CCDC102B: variants seen among roughly 807,000 people sequenced by gnomAD.
CCDC102B encodes the protein coiled-coil domain-containing protein 102B.
Under a neutral mutation model 57.4 loss-of-function variants are expected in CCDC102B, and 75 were observed. The observed-to-expected ratio is 1.31, with a 90% CI of 1.08 to 1.58. The LOEUF is 1.58. Ranked by LOEUF, CCDC102B falls within the 40% of genes most tolerant of loss-of-function variation. The pLI, the probability that CCDC102B is intolerant of heterozygous loss-of-function variation, is 0.00. For synonymous variants in CCDC102B, 206 were observed against 201.9 expected (o/e 1.02, Z -0.17); for missense variants, 636 against 582.6 (o/e 1.09, Z -0.94).
intron 6 of CCDC102B, among the ~76,000 whole-genome samples, chr18:68,962,687 T>A (rs1232691147): frequency 6.6e-6 from 1 of 152,000 alleles, no homozygotes; most frequent in Non-Finnish European, 1.5e-5. Context: ...TCTAAGAGCT[T>A]ACAGTAAAGT....
At chr18:68,994,804 T>C (rs930977814) in intron 6 of CCDC102B, among the ~76,000 whole-genome samples, 10 of 152,228 alleles carry the variant, frequency 6.6e-5, no homozygotes, top group African/African-American at 2.4e-4. Context: ...CAGTTCTTTA[T>C]AGCAGTGTGA....
chr18:68,918,437 T>C (rs1399452598), intron 6 of CCDC102B, among the ~76,000 whole-genome samples: 1 of 152,222 alleles, frequency 6.6e-6, no homozygotes, highest in East Asian at 1.9e-4. Context: ...CATGTTTGAC[T>C]AATCCAAACA....
chr18:68,721,430 G>T (rs1274385181), intron 2 of CCDC102B: 2 of 152,018 alleles, frequency 1.3e-5, no homozygotes, highest in Non-Finnish European at 2.9e-5. Context: ...CTTCTGACAG[G>T]TCAGATTAGT....
rs186008616 is a variant in CCDC102B, at chr18:68,980,864, T to A, written c.1264-30070T>A. On this transcript the variant is annotated intron_variant, in intron 6 of 7. Transcript: ENST00000360242. The stretch of plus-strand genomic sequence containing the variant: ...GTAGGACATCGTATGGACACTGGAT[T>A]TTACTCTGAGATAAAGGGGGAGTAT... 1.4e-3 allele frequency among the ~76,000 whole-genome samples: 214 copies of A among 152,140 alleles called. 4 individuals carry two copies. Among genetic ancestry groups the A allele is most frequent in the Admixed American group, 0.013 (197 of 15,266 alleles).
intron 2 of CCDC102B, chr18:68,838,402 A>T (rs2037478753): frequency 1.0e-6 from 1 of 985,118 alleles, no homozygotes; most frequent in Non-Finnish European, 1.2e-6. Context: ...ATTAAAAATT[A>T]TTTACAGCTG....
intron 2 of CCDC102B, chr18:68,753,266 CT>C (rs2145250953): frequency 1.3e-5 from 2 of 152,150 alleles, no homozygotes; most frequent in Non-Finnish European, 2.9e-5. Flanking sequence ...ACTTTTCGTG[CT>C]TGAGAAACAT....
chr18:68,806,612 C>G (rs1264830315), intron 1 of CCDC102B, among the ~76,000 whole-genome samples: 2 of 152,028 alleles, frequency 1.3e-5, no homozygotes, highest in African/African-American at 4.8e-5. Flanking sequence ...GTAAAATTCT[C>G]TGTGGAAAAA....
chr18:68,766,017 T>A (rs937416689), intron 2 of CCDC102B, among the ~76,000 whole-genome samples: 7 of 152,116 alleles, frequency 4.6e-5, no homozygotes. Flanking sequence ...CCATAAAAAA[T>A]TTTAAAACAT....
intron 6 of CCDC102B, among the ~76,000 whole-genome samples, chr18:68,919,980 T>C (rs994199351): frequency 6.6e-6 from 1 of 152,168 alleles, no homozygotes; most frequent in African/African-American, 2.4e-5. Context: ...TTTTTATTAC[T>C]TTTATTTTAA....
At chr18:68,746,180 C>T (rs2033612740) in intron 2 of CCDC102B, among the ~76,000 whole-genome samples, 1 of 152,164 alleles carries the variant, frequency 6.6e-6, no homozygotes, top group Admixed American at 6.5e-5. Context: ...AGAAACCAAC[C>T]TTTCAATATA....
At chr18:68,784,246 G>T (rs975028797) in intron 2 of CCDC102B, among the ~76,000 whole-genome samples, 5 of 152,102 alleles carry the variant, frequency 3.3e-5, no homozygotes, top group Non-Finnish European at 7.4e-5. Flanking sequence ...GCTCAGAAAA[G>T]CTTCCAGTCA....
intron 6 of CCDC102B, among the ~76,000 whole-genome samples, chr18:68,962,476 A>G (rs2145232593): frequency 6.6e-6 from 1 of 152,170 alleles, no homozygotes; most frequent in East Asian, 1.9e-4. Context: ...TTATTGTACC[A>G]TGATTTTACA....
At chr18:68,964,467 A>C (rs2050121643) in intron 6 of CCDC102B, among the ~76,000 whole-genome samples, 1 of 146,196 alleles carries the variant, frequency 6.8e-6, no homozygotes, top group Non-Finnish European at 1.5e-5. Flanking sequence ...TTCATGCTTT[A>C]TTTACATGGC....
At chr18:68,927,773 T>C (rs970344830) in intron 6 of CCDC102B, among the ~76,000 whole-genome samples, 3 of 151,860 alleles carry the variant, frequency 2.0e-5, no homozygotes, top group Admixed American at 6.6e-5. Flanking sequence ...TTGCAGATAG[T>C]TGAGTGACCA....
intron 6 of CCDC102B, among the ~76,000 whole-genome samples, chr18:68,960,751 C>G (rs1264255713): frequency 6.6e-6 from 1 of 152,170 alleles, no homozygotes; most frequent in Non-Finnish European, 1.5e-5. Context: ...TGAGCACCAG[C>G]AGAGTTTTGC....
chr18:68,810,050 T>A (rs548460969), intron 1 of CCDC102B, among the ~76,000 whole-genome samples: 1 of 152,336 alleles, frequency 6.6e-6, no homozygotes, highest in South Asian at 2.1e-4. Context: ...CTTCTTGTTT[T>A]TCATTATGTG....
chr18:69,037,552 C>T (rs2052327684), intron 7 of CCDC102B, among the ~76,000 whole-genome samples: 1 of 151,868 alleles, frequency 6.6e-6, no homozygotes. Context: ...AAATTTTGAG[C>T]CCCACCTAGA....
chr18:68,958,141 A>C (rs141885342), intron 6 of CCDC102B, among the ~76,000 whole-genome samples: 1 of 152,120 alleles, frequency 6.6e-6, no homozygotes, highest in African/African-American at 2.4e-5. Context: ...CTTATTCACT[A>C]TCATGAGAAC....
At chr18:68,926,337 G>T (rs553410860) in intron 6 of CCDC102B, among the ~76,000 whole-genome samples, 30 of 151,656 alleles carry the variant, frequency 2.0e-4, no homozygotes, top group African/African-American at 6.8e-4. Flanking sequence ...CTTTAAAAAA[G>T]CTAAATTGTC....
Sources: gnomAD v4.1 joint callset for allele counts (sites outside exome capture counted in the v4.1 genomes callset) on GRCh38, gnomAD v4.1.1 for gene constraint, MANE v1.5 for transcripts, NCBI Gene and HGNC (gene_info 2026-07-23, HGNC 2026-07-21) for gene names.